The following MCTP1 variants were observed in gnomAD, a reference collection of about 807,000 sequenced individuals.
The protein encoded by MCTP1 is multiple C2 and transmembrane domain containing 1.
Under a neutral mutation model 120.6 loss-of-function variants are expected in MCTP1, and 69 were observed. The observed-to-expected ratio is 0.57, with a 90% CI of 0.47 to 0.70. MCTP1 has a LOEUF of 0.70. Ranked by LOEUF, MCTP1 falls within the 30% of genes least tolerant of loss-of-function variation. The pLI, the probability that MCTP1 is intolerant of heterozygous loss-of-function variation, is 0.00. For synonymous variants in MCTP1, 529 were observed against 493.1 expected (o/e 1.07, Z -0.96); for missense variants, 1,203 against 1,248.8 (o/e 0.96, Z 0.55).
chr5:95,076,292 C>T (rs931983002), intron 1 of MCTP1, among the ~76,000 whole-genome samples: 2 of 152,124 alleles, frequency 1.3e-5, no homozygotes, highest in Admixed American at 6.5e-5. Flanking sequence ...GTAATGACTA[C>T]TGTACACATT....
chr5:94,759,403 A>T (rs1770746485), intron 19 of MCTP1, among the ~76,000 whole-genome samples: 1 of 152,160 alleles, frequency 6.6e-6, no homozygotes, highest in Non-Finnish European at 1.5e-5. Flanking sequence ...CATTATTTAA[A>T]CGTTTAATGT....
intron 1 of MCTP1, among the ~76,000 whole-genome samples, chr5:95,108,498 T>C (rs1757250329): frequency 1.3e-5 from 2 of 152,322 alleles, no homozygotes; most frequent in Middle Eastern, 3.4e-3. Flanking sequence ...AAGTGGTAAC[T>C]ACAAAGCCGA....
chr5:95,145,681 G>C (rs1215892176), intron 1 of MCTP1, among the ~76,000 whole-genome samples: 2 of 152,058 alleles, frequency 1.3e-5, no homozygotes, highest in Non-Finnish European at 2.9e-5. Flanking sequence ...TGTTTATGTG[G>C]TGAATCACAT....
intron 10 of MCTP1, among the ~76,000 whole-genome samples, chr5:94,903,172 TG>T (rs1027179994): frequency 2.3e-4 from 35 of 152,188 alleles, no homozygotes; most frequent in Middle Eastern, 3.4e-3. Context: ...TAAAATACAA[TG>T]TTTTTTTTAA....
At chr5:95,271,282 G>A (rs936042042) in intron 1 of MCTP1, among the ~76,000 whole-genome samples, 3 of 152,150 alleles carry the variant, frequency 2.0e-5, no homozygotes, top group African/African-American at 7.2e-5. Flanking sequence ...AACATTAACA[G>A]AAAATAAGAC....
chr5:94,716,172 T>A (rs1174766936), intron 19 of MCTP1, among the ~76,000 whole-genome samples: 4 of 152,196 alleles, frequency 2.6e-5, no homozygotes, highest in African/African-American at 7.2e-5. Flanking sequence ...TACCAGTTAC[T>A]TAGAGCCTTA....
chr5:94,728,274 G>A (rs1762493661), intron 19 of MCTP1, among the ~76,000 whole-genome samples: 1 of 152,104 alleles, frequency 6.6e-6, no homozygotes, highest in Non-Finnish European at 1.5e-5. Context: ...AACTAGGGAT[G>A]GCTATTGGTT....
At chr5:94,854,836 G>A (rs1202016380) in intron 17 of MCTP1, among the ~76,000 whole-genome samples, 1 of 151,770 alleles carries the variant, frequency 6.6e-6, no homozygotes, top group Non-Finnish European at 1.5e-5. Context: ...AGTATATAAA[G>A]CTATGAATCT....
chr5:94,725,048 G>A (rs752789385), intron 19 of MCTP1, among the ~76,000 whole-genome samples: 5 of 152,116 alleles, frequency 3.3e-5, no homozygotes, highest in African/African-American at 4.8e-5. Context: ...AGGGTTTTCT[G>A]TAAAATCAAA....
chr5:95,171,554 G>A (rs1173596724), intron 1 of MCTP1, among the ~76,000 whole-genome samples: 1 of 152,174 alleles, frequency 6.6e-6, no homozygotes, highest in Admixed American at 6.5e-5. Flanking sequence ...ACACCAATCA[G>A]ACGTAGATTT....
chr5:95,099,029 C>T (rs1426947097), intron 1 of MCTP1, among the ~76,000 whole-genome samples: 2 of 151,512 alleles, frequency 1.3e-5, no homozygotes, highest in African/African-American at 4.8e-5. Context: ...GGAAAGGATT[C>T]CCTATTTAAT....
intron 1 of MCTP1, among the ~76,000 whole-genome samples, chr5:95,095,473 C>G (rs1756187696): frequency 1.3e-5 from 2 of 152,152 alleles, no homozygotes; most frequent in African/African-American, 4.8e-5. Flanking sequence ...AGGAAGAGAT[C>G]ACAGGGTAAA....
intron 12 of MCTP1, among the ~76,000 whole-genome samples, chr5:94,887,840 T>C (rs1163118538): frequency 6.6e-6 from 1 of 152,180 alleles, no homozygotes; most frequent in Non-Finnish European, 1.5e-5. Context: ...GGAACAAACA[T>C]CTGCTATTTT....
At chr5:95,123,555 A>G (rs554490537) in intron 1 of MCTP1, among the ~76,000 whole-genome samples, 13 of 152,164 alleles carry the variant, frequency 8.5e-5, no homozygotes, top group Non-Finnish European at 1.3e-4. Context: ...CACTGAAGAT[A>G]TTACTGGGCT....
At chr5:95,091,498 A>T (rs1562135582) in intron 1 of MCTP1, among the ~76,000 whole-genome samples, 1 of 152,118 alleles carries the variant, frequency 6.6e-6, no homozygotes, top group Non-Finnish European at 1.5e-5. Flanking sequence ...TGAGGCTAGA[A>T]CATAAAAGGT....
Position 95,068,125 on chromosome 5 carries a change from C to T in MCTP1, c.721-50641G>A, listed in dbSNP as rs114312125. Among the ~76,000 whole-genome samples the T allele has an allele frequency of 6.8e-3, 1,028 of 152,194 alleles. 13 individuals carry two copies. Among genetic ancestry groups the T allele is most frequent in the African/African-American group, 0.024 (996 of 41,536 alleles). The stretch of plus-strand genomic sequence containing the variant: ...CTATTCTATTAAATTTATCATTATC[C>T]TATTTAAATCAAGTTAAAATTAATA... On this transcript the variant is annotated intron_variant, in intron 1 of 22. Coordinates refer to ENST00000515393, the MANE Select transcript of MCTP1 (RefSeq NM_024717.7).
intron 2 of MCTP1, among the ~76,000 whole-genome samples, chr5:94,993,602 T>C (rs1561985019): frequency 6.6e-6 from 1 of 152,180 alleles, no homozygotes; most frequent in Non-Finnish European, 1.5e-5. Context: ...GCAACAGCTT[T>C]TACAGAAACT....
chr5:94,743,730 C>T (rs929788059), intron 19 of MCTP1, among the ~76,000 whole-genome samples: 1 of 149,028 alleles, frequency 6.7e-6, no homozygotes, highest in Admixed American at 6.8e-5. Flanking sequence ...CTCCGCCTTC[C>T]GGGTTCACGC....
intron 19 of MCTP1, among the ~76,000 whole-genome samples, chr5:94,727,329 A>T (rs1046627491): frequency 6.6e-6 from 1 of 151,950 alleles, no homozygotes; most frequent in Non-Finnish European, 1.5e-5. Context: ...TGCACTTATT[A>T]TTTTTTTTCC....
Sources: allele counts gnomAD v4.1 joint callset (sites outside exome capture counted in the v4.1 genomes callset), GRCh38; gene constraint gnomAD v4.1.1; transcripts MANE v1.5; gene names NCBI Gene and HGNC (gene_info 2026-07-23, HGNC 2026-07-21).